The following NARF variants were observed in gnomAD, a reference collection of about 807,000 sequenced individuals.
NARF encodes iron-only hydrogenase-like protein 2.
A neutral mutation model predicts 48.0 loss-of-function variants in NARF; 41 were observed. The observed-to-expected ratio is 0.85, with a 90% CI of 0.66 to 1.11. The LOEUF (loss-of-function observed/expected upper bound fraction) is 1.11, where lower values mean the gene tolerates loss of function less well. Ranked by LOEUF, NARF falls within the 50% of genes least tolerant of loss-of-function variation. NARF has a pLI of 0.00. For missense variants in NARF, 613 were observed against 590.2 expected (o/e 1.04, Z -0.40); for synonymous variants, 215 against 225.5 (o/e 0.95, Z 0.42).
chr17:82,487,076 T>C (rs2044111338), intron 10 of NARF, among the ~76,000 whole-genome samples: 1 of 152,156 alleles, frequency 6.6e-6, no homozygotes, highest in Non-Finnish European at 1.5e-5. Flanking sequence ...TTTTGCCAAA[T>C]TCCAAGAGAA....
chr17:82,479,767 G>A lies in NARF; in HGVS notation c.639+849G>A, dbSNP rs557516697. 2.0e-5 allele frequency among the ~76,000 whole-genome samples: 3 copies of A among 152,298 alleles called. No individual in the cohort carries two copies. In the East Asian group the frequency reaches 5.8e-4, roughly 29 times the overall value. On this transcript the variant is annotated intron_variant, in intron 6 of 10. Coordinates refer to ENST00000309794, the MANE Select transcript of NARF (RefSeq NM_012336.4). ...TGGCAGCCTTGTTATTTTAGCAATAGGCAGTGTTTTCCTTCTATCTAGTTT... is the reference window on the plus strand; with the variant it reads ...TGGCAGCCTTGTTATTTTAGCAATAAGCAGTGTTTTCCTTCTATCTAGTTT...
chr17:82,460,363 G>T (rs1274567488), intron 2 of NARF: 2 of 214,338 alleles, frequency 9.3e-6, no homozygotes, highest in Non-Finnish European at 1.9e-5. Context: ...TACTCAGGAG[G>T]CTGAGGCAGG....
At position 82,488,049 on chromosome 17, in the gene NARF, G is replaced by T. The variant is rs375576652; in HGVS notation, c.1263G>T (p.Leu421=). Residue 421 remains leucine (L), a synonymous_variant, in exon 11 of 11, where the codon CTG becomes CTT. Transcript: ENST00000309794. ...AGTCCAGTGCACACGTGCAGGAGCTGTACCAGGAGTGGCTGGAGGGGATCA... is the reference window on the plus strand; with the variant it reads ...AGTCCAGTGCACACGTGCAGGAGCTTTACCAGGAGTGGCTGGAGGGGATCA... The part of the protein sequence containing the change: ...RPESSAHVQE[L]YQEWLEGINS... 1 of 1,614,178 alleles carries T rather than the reference G, an allele frequency of 6.2e-7. No homozygotes were observed. Among genetic ancestry groups the T allele is most frequent in the Non-Finnish European group, 8.5e-7 (1 of 1,180,038 alleles).
At chr17:82,473,043 C>A (rs990338818) in intron 5 of NARF, among the ~76,000 whole-genome samples, 7 of 151,830 alleles carry the variant, frequency 4.6e-5, no homozygotes, top group Non-Finnish European at 7.4e-5. Flanking sequence ...CGGGTTCAAG[C>A]GATTCTCCTG....
chr17:82,471,513 C>T (rs1431948828), intron 4 of NARF, among the ~76,000 whole-genome samples: 1 of 149,628 alleles, frequency 6.7e-6, no homozygotes, highest in Non-Finnish European at 1.5e-5. Context: ...TATGCCCTTG[C>T]CGGGCGCGGT....
At chr17:82,479,386 C>G (rs2143925491) in intron 6 of NARF, among the ~76,000 whole-genome samples, 1 of 152,338 alleles carries the variant, frequency 6.6e-6, no homozygotes, top group African/African-American at 2.4e-5. Flanking sequence ...CTTCCTTAGC[C>G]ACTTCTGTGA....
At chr17:82,475,617 T>A (rs2043815533) in intron 5 of NARF, among the ~76,000 whole-genome samples, 2 of 152,062 alleles carry the variant, frequency 1.3e-5, no homozygotes, top group African/African-American at 4.8e-5. Flanking sequence ...ACTACATACA[T>A]ACAGCAAATC....
chr17:82,485,482 G>A lies in NARF; in HGVS notation c.972-15G>A. 1.2e-6 allele frequency: 2 copies of A among 1,612,940 alleles called. No homozygotes were observed. The highest frequency in any genetic ancestry group is 2.2e-5 in the South Asian group (2 of 91,012). ...AGGACTTGATGGATCAAAATTCTCTGTGTTCATTTTGTAGAAACAAAGACT... is the reference window on the plus strand; with the variant it reads ...AGGACTTGATGGATCAAAATTCTCTATGTTCATTTTGTAGAAACAAAGACT... On this transcript the variant is annotated splice_polypyrimidine_tract_variant and intron_variant, in intron 9 of 10. Transcript: ENST00000309794.
At chr17:82,465,600 G>C (rs1231630523) in intron 3 of NARF, among the ~76,000 whole-genome samples, 1 of 152,178 alleles carries the variant, frequency 6.6e-6, no homozygotes, top group South Asian at 2.1e-4. Flanking sequence ...TTGTGAGACA[G>C]GGCCTCACCC....
At chr17:82,459,836 T>C (rs1475909040) in intron 1 of NARF, among the ~76,000 whole-genome samples, 156 bp from the exon 2 acceptor site, 1 of 151,628 alleles carries the variant, frequency 6.6e-6, no homozygotes, top group Non-Finnish European at 1.5e-5. Flanking sequence ...GCCCCTGCAC[T>C]CCAGCCTGGG....
In NARF at chr17:82,472,844, A is replaced by G. The variant is rs1599835644; in HGVS notation, c.520+146A>G. 5 of 1,030,540 alleles carry G rather than the reference A, an allele frequency of 4.9e-6. No homozygotes were observed. The East Asian group carries it at 1.2e-4, about 25-fold the overall frequency. The allele number at this position is 1,030,540 out of a possible 1,614,324, so 63.8% of individuals were successfully genotyped here. On this transcript the variant is annotated intron_variant, in intron 5 of 10. Transcript: ENST00000309794. ...GAGGGAAGAGCTTGGCCTGATTCAC[A>G]GAGGGTGTTTGATGTTTTGGGACAG...
chr17:82,478,678 G>A (rs778771505), intron 5 of NARF, 122 bp from the exon 6 acceptor site: 14 of 1,025,348 alleles, frequency 1.4e-5, no homozygotes, highest in Admixed American at 8.9e-5. Context: ...GTAAGGCCTG[G>A]GGAAAAGGTG....
intron 4 of NARF, among the ~76,000 whole-genome samples, chr17:82,471,791 C>CAAAAAAAAAAAAAAAAA (rs58302009): frequency 6.2e-5 from 4 of 64,590 alleles, no homozygotes; most frequent in African/African-American, 1.8e-4. Flanking sequence ...GACTCCGTCT[C>CAAAAAAAAAAAAAAAAA]AAAAAAAAAA....
At chr17:82,484,532 C>T (rs2044050260) in intron 8 of NARF, 1 of 290,130 alleles carries the variant, frequency 3.4e-6, no homozygotes, top group Admixed American at 5.0e-5. Context: ...GACCCTGTCT[C>T]CAAAAGAAAA....
intron 5 of NARF, among the ~76,000 whole-genome samples, chr17:82,474,783 G>C (rs1027472068): frequency 1.3e-5 from 2 of 152,160 alleles, no homozygotes; most frequent in Non-Finnish European, 2.9e-5. Context: ...TGTTCCATGG[G>C]CTGCATTGGT....
rs2044174457 is a variant in NARF at position 82,490,333 on chromosome 17, A to C, written c.*2176A>C. 6.6e-6 allele frequency: 1 copy of C among 152,294 alleles called. No individual in the cohort carries two copies. The highest frequency in any genetic ancestry group is 6.5e-5 in the Admixed American group (1 of 15,282). 9.4% of individuals were successfully genotyped at this position (152,294 alleles called of 1,614,324 possible). A position where few individuals can be genotyped will look rare whatever the true frequency, so the allele number is the denominator to read the frequency against. ...GCCTTCCCAGCCCTCCGTGCTGCAG[A>C]GCCTCTGCTCGCTAGGCTGCCTTCA... On this transcript the variant is annotated 3_prime_UTR_variant, in exon 11 of 11. Coordinates refer to ENST00000309794, the MANE Select transcript of NARF (RefSeq NM_012336.4).
At chr17:82,473,270 A>C (rs2043756423) in intron 5 of NARF, among the ~76,000 whole-genome samples, 1 of 143,048 alleles carries the variant, frequency 7.0e-6, no homozygotes, top group Non-Finnish European at 1.5e-5. Flanking sequence ...CAGGAGTTTG[A>C]GACCAGCCTG....
At chr17:82,483,483 C>A (rs2044020735) in intron 7 of NARF, 1 of 509,250 alleles carries the variant, frequency 2.0e-6, no homozygotes, top group Non-Finnish European at 3.6e-6. Context: ...TCCCACAGTT[C>A]AAGGGCAGAA....
intron 9 of NARF, 93 bp from the exon 10 acceptor site, chr17:82,485,404 G>C (rs1322927435): frequency 1.4e-6 from 2 of 1,431,840 alleles, no homozygotes; most frequent in Admixed American, 3.9e-5. Context: ...CTGGGCAACA[G>C]AGCAAGACTC....
Sources: gnomAD v4.1 joint callset for allele counts (sites outside exome capture counted in the v4.1 genomes callset) on GRCh38, gnomAD v4.1.1 for gene constraint, MANE v1.5 for transcripts, NCBI Gene and HGNC (gene_info 2026-07-23, HGNC 2026-07-21) for gene names.